JCAD: variants seen among roughly 807,000 people sequenced by gnomAD.
JCAD encodes the protein junctional cadherin 5-associated protein.
In JCAD, 40 loss-of-function variants were observed where a neutral mutation model predicts 98.0. That is an observed-to-expected ratio of 0.41 (90% CI 0.32 to 0.53). The LOEUF (loss-of-function observed/expected upper bound fraction) is 0.53. Ranked by LOEUF, JCAD falls within the 20% of genes least tolerant of loss-of-function variation. The pLI is 0.31. For missense variants in JCAD, 1,705 were observed against 1,738.1 expected (o/e 0.98, Z 0.34); for synonymous variants, 691 against 682.3 (o/e 1.01, Z -0.20).
chr10:30,020,448 TAC>T (rs1836641051), intron 3 of JCAD, among the ~76,000 whole-genome samples: 1 of 152,170 alleles, frequency 6.6e-6, no homozygotes, highest in Non-Finnish European at 1.5e-5. Context: ...CAAAATGTCT[TAC>T]ACATCCTCCT....
Position 30,029,488 on chromosome 10 carries a change from C to G in JCAD, c.660G>C (p.Val220=). ...DLYPFIQGEH[V]LNSQNKGKSR... ...ACTTCCCTTTGTTTTGAGAATTCAA[C>G]ACATGTTCTCCTTGAATGAATGGGT... Residue 220 remains valine (V), a synonymous_variant, in exon 3 of 4, where the codon GTG becomes GTC. Transcript: ENST00000375377. 6.2e-7 allele frequency: 1 copy of G among 1,614,214 alleles called. No individual in the cohort carries two copies. Among genetic ancestry groups the G allele is most frequent in the Non-Finnish European group, 8.5e-7 (1 of 1,180,046 alleles).
At chr10:30,067,201 G>A (rs1467187952) in intron 2 of JCAD, among the ~76,000 whole-genome samples, 1 of 151,914 alleles carries the variant, frequency 6.6e-6, no homozygotes, top group Non-Finnish European at 1.5e-5. Context: ...GCAAATAACT[G>A]TGAACTACAT....
chr10:30,026,614 C>G lies in JCAD; in HGVS notation c.3534G>C (p.Val1178=). ...GGTCTGTGCTGGTGACAACCCCGTC[C>G]ACATCTGAGTGCTCAAAAGCCTGAG... is the stretch of plus-strand genomic sequence containing the variant. The part of the protein sequence containing the change: ...RAPQAFEHSD[V]DGVVTSTDPV... The change falls in exon 3 of 4, where the codon GTG becomes GTC. Residue 1178 remains valine, a synonymous_variant. Transcript: ENST00000375377. 6.2e-7 allele frequency: 1 copy of G among 1,613,702 alleles called. No homozygotes were observed. The highest frequency in any genetic ancestry group is 8.5e-7 in the Non-Finnish European group (1 of 1,180,026).
chr10:30,043,740 A>T (rs1051053359), intron 2 of JCAD, among the ~76,000 whole-genome samples: 1 of 152,194 alleles, frequency 6.6e-6, no homozygotes, highest in Non-Finnish European at 1.5e-5. Context: ...AAACGAAAAC[A>T]GGCCTCACCT....
intron 2 of JCAD, chr10:30,044,946 C>A: frequency 4.9e-6 from 1 of 203,610 alleles, no homozygotes; most frequent in Non-Finnish European, 8.7e-6. Flanking sequence ...CCCTAGGAGC[C>A]AACCTTCAAT....
At chr10:30,023,884 G>A (rs1836721386) in intron 3 of JCAD, among the ~76,000 whole-genome samples, 1 of 152,118 alleles carries the variant, frequency 6.6e-6, no homozygotes, top group Non-Finnish European at 1.5e-5. Flanking sequence ...TTTCTGAACT[G>A]GAAATTTTGT....
chr10:30,067,718 A>G (rs892312478), intron 2 of JCAD, among the ~76,000 whole-genome samples: 33 of 152,232 alleles, frequency 2.2e-4, no homozygotes, highest in African/African-American at 7.5e-4. Context: ...GGTAGCACTT[A>G]CTAGCGGGGT....
chr10:30,087,253 A>G (rs1838181316), intron 1 of JCAD, among the ~76,000 whole-genome samples: 1 of 152,134 alleles, frequency 6.6e-6, no homozygotes, highest in South Asian at 2.1e-4. Flanking sequence ...TAGCCTGGCC[A>G]ACATGGTGAA....
At chr10:30,036,065 G>A (rs552104047) in intron 2 of JCAD, among the ~76,000 whole-genome samples, 4 of 152,304 alleles carry the variant, frequency 2.6e-5, no homozygotes, top group Middle Eastern at 3.4e-3. Flanking sequence ...GAAAAATTAG[G>A]AGACAGTTCT....
At chr10:30,081,973 G>A (rs1357826062) in intron 1 of JCAD, among the ~76,000 whole-genome samples, 1 of 152,156 alleles carries the variant, frequency 6.6e-6, no homozygotes, top group Admixed American at 6.5e-5. Context: ...TATCAAATGT[G>A]TTTATAGCTA....
intron 1 of JCAD, among the ~76,000 whole-genome samples, chr10:30,078,916 G>C (rs1253104383): frequency 6.6e-6 from 1 of 152,158 alleles, no homozygotes; most frequent in African/African-American, 2.4e-5. Flanking sequence ...TGCCCTTGAA[G>C]CTGGGAGCTT....
chr10:30,091,281 G>T (rs1412903817), intron 1 of JCAD, among the ~76,000 whole-genome samples: 2 of 152,174 alleles, frequency 1.3e-5, no homozygotes, highest in Non-Finnish European at 2.9e-5. Context: ...CAAAAACAAG[G>T]CTGAGAGGAT....
intron 1 of JCAD, among the ~76,000 whole-genome samples, chr10:30,078,227 A>G (rs1838012322): frequency 2.6e-5 from 4 of 152,194 alleles, no homozygotes; most frequent in African/African-American, 7.2e-5. Flanking sequence ...TTGTTCAACC[A>G]AACAATGTGT....
rs368983886 is a variant in JCAD, at chr10:30,027,964, G to A, written c.2184C>T (p.Ser728=). The A allele has an allele frequency of 1.9e-6, 3 of 1,614,110 alleles. No homozygotes were observed. Among genetic ancestry groups the A allele is most frequent in the Non-Finnish European group, 2.5e-6 (3 of 1,180,048 alleles). ...GGAATGCTGTGTGCGTCTGAGCTTC[G>A]GAGGCAGCAGGGTCTGAACATTTTG... The part of the protein sequence containing the change: ...LSPKCSDPAA[S]EAQTHTAFPT... Residue 728 remains serine, a synonymous_variant, in exon 3 of 4, where the codon TCC becomes TCT. Transcript: ENST00000375377.
rs1420065151 is a variant in JCAD, at chr10:30,026,899, T to C, written c.3249A>G (p.Gln1083=). ...TGCCCAGGATCCTTGCAGCCCTGGC[T>C]TGCAAGGACTCACCTGGGGGGATTT... ...TIEIPPGESL[Q]ARAARILGIE... The change falls in exon 3 of 4, where the codon CAA becomes CAG. Residue 1083 remains glutamine (Q), a synonymous_variant. Transcript: ENST00000375377. The C allele has an allele frequency of 6.2e-7, 1 of 1,614,054 alleles. No individual in the cohort carries two copies. The highest frequency in any genetic ancestry group is 2.2e-5 in the East Asian group (1 of 44,872).
rs573135632 is a variant in JCAD at position 30,038,174 on chromosome 10, G to A, written c.282-8308C>T. On this transcript the variant is annotated intron_variant, in intron 2 of 3. Coordinates refer to ENST00000375377, the MANE Select transcript of JCAD (RefSeq NM_020848.4). ...GTTAAGTCGGAGGCCACGGTCCACC[G>A]GCCCCACCCCTGGGACTGGGTTTTG... Among the ~76,000 whole-genome samples, 19 of 152,230 alleles carry A rather than the reference G, an allele frequency of 1.2e-4. 2 individuals are homozygous for A. The South Asian group carries it at 3.3e-3, about 27-fold the overall frequency.
chr10:30,047,973 TG>T (rs1186793146), intron 1 of JCAD, 102 bp from the exon 2 acceptor site: 5 of 646,988 alleles, frequency 7.7e-6, no homozygotes, highest in Non-Finnish European at 1.3e-5. Context: ...ACCATGGCGA[TG>T]GACACAGCAC....
intron 2 of JCAD, among the ~76,000 whole-genome samples, chr10:30,066,102 G>A (rs563100885): frequency 1.2e-4 from 18 of 152,312 alleles, no homozygotes; most frequent in African/African-American, 4.1e-4. Flanking sequence ...AGTATACAGT[G>A]CAAAGACAGT....
chr10:30,096,716 G>T (rs1278198609), intron 1 of JCAD, among the ~76,000 whole-genome samples: 1 of 151,808 alleles, frequency 6.6e-6, no homozygotes, highest in Non-Finnish European at 1.5e-5. Flanking sequence ...ATTGATGAAG[G>T]CTCAGGTGGC....
Sources: allele counts gnomAD v4.1 joint callset (sites outside exome capture counted in the v4.1 genomes callset), GRCh38; gene constraint gnomAD v4.1.1; transcripts MANE v1.5; gene names NCBI Gene and HGNC (gene_info 2026-07-23, HGNC 2026-07-21).